Variants in GSE1 observed in about 807,000 individuals in gnomAD.
GSE1 encodes Gse1 coiled-coil protein.
In GSE1, 32 loss-of-function variants were observed where a neutral mutation model predicts 112.6. The ratio of observed to expected loss-of-function variants is 0.28; its 90% confidence interval spans 0.21 to 0.38. The LOEUF is 0.38. Ranked by LOEUF, GSE1 falls within the 10% of genes least tolerant of loss-of-function variation. GSE1 has a pLI of 1.00. For missense variants in GSE1, 2,348 were observed against 1,699.2 expected (o/e 1.38, Z -6.71); for synonymous variants, 1,115 against 735.6 (o/e 1.52, Z -8.35).
chr16:85,461,515 AG>A (rs970561992), intron 2 of GSE1, among the ~76,000 whole-genome samples: 1 of 151,650 alleles, frequency 6.6e-6, no homozygotes, highest in Admixed American at 6.6e-5. Flanking sequence ...CAAGGGGGGG[AG>A]GGGGCGCTGT....
chr16:85,445,357 C>G (rs550208761), intron 2 of GSE1, among the ~76,000 whole-genome samples: 1 of 152,198 alleles, frequency 6.6e-6, no homozygotes, highest in Admixed American at 6.5e-5. Flanking sequence ...GGAGGCAGAC[C>G]GTGAACATGG....
chr16:85,625,899 C>T (rs913835534), intron 1 of GSE1, among the ~76,000 whole-genome samples: 6 of 152,172 alleles, frequency 3.9e-5, no homozygotes, highest in Non-Finnish European at 8.8e-5. Flanking sequence ...CTACACGGGC[C>T]AGGCGCTGTG....
intron 1 of GSE1, among the ~76,000 whole-genome samples, chr16:85,284,616 G>A (rs2044961461): frequency 6.6e-6 from 1 of 152,244 alleles, no homozygotes; most frequent in Non-Finnish European, 1.5e-5. Context: ...CAGCGAGGGG[G>A]TGGTGAGAAC....
At chr16:85,376,963 A>T (rs867615664) in intron 2 of GSE1, among the ~76,000 whole-genome samples, 1 of 152,274 alleles carries the variant, frequency 6.6e-6, no homozygotes, top group African/African-American at 2.4e-5. Context: ...CACGCTGTGC[A>T]GTCGCGGGTG....
At chr16:85,663,646 C>T in intron 11 of GSE1, 32 bp downstream of exon 11, 7 of 1,588,646 alleles carry the variant, frequency 4.4e-6, no homozygotes, top group Non-Finnish European at 6.0e-6. Flanking sequence ...AAGGTGGGGG[C>T]TCACTGGGGT....
At chr16:85,662,946 C>G (rs1300585855) in intron 9 of GSE1, 35 bp from the exon 10 acceptor site, 2 of 1,412,444 alleles carry the variant, frequency 1.4e-6, no homozygotes, top group Non-Finnish European at 2.0e-6. Flanking sequence ...GATGAAGGCT[C>G]TTTGTCTGGC....
At chr16:85,201,932 C>T (rs1174914261) in intron 1 of GSE1, among the ~76,000 whole-genome samples, 51 of 152,162 alleles carry the variant, frequency 3.4e-4, no homozygotes, top group Admixed American at 3.3e-3. Context: ...TCAGTGCAAC[C>T]CGTGGATATA....
chr16:85,516,032 G>C (rs2151941367), intron 2 of GSE1, among the ~76,000 whole-genome samples: 1 of 152,306 alleles, frequency 6.6e-6, no homozygotes, highest in Admixed American at 6.5e-5. Flanking sequence ...CCTGGCAGCA[G>C]CCGAGGCTGG....
upstream of GSE1, among the ~76,000 whole-genome samples, chr16:85,553,526 C>A (rs2045041178): frequency 6.6e-6 from 1 of 151,014 alleles, no homozygotes; most frequent in Non-Finnish European, 1.5e-5. Context: ...CTAGGCCGCC[C>A]GCTGGGAGGG....
At chr16:85,398,544 G>T (rs747755423) in intron 2 of GSE1, among the ~76,000 whole-genome samples, 4 of 152,150 alleles carry the variant, frequency 2.6e-5, no homozygotes, top group Non-Finnish European at 5.9e-5. Context: ...GAGGTAAAGC[G>T]TGGGAGAACT....
intron 2 of GSE1, among the ~76,000 whole-genome samples, chr16:85,453,807 G>T (rs543702725): frequency 6.6e-6 from 1 of 152,196 alleles, no homozygotes; most frequent in Non-Finnish European, 1.5e-5. Context: ...GGACCCCCAG[G>T]TGTCTGACCT....
chr16:85,377,505 A>G (rs1193686716), intron 2 of GSE1, among the ~76,000 whole-genome samples: 1 of 152,196 alleles, frequency 6.6e-6, no homozygotes, highest in Non-Finnish European at 1.5e-5. Context: ...TTAGCTGTCT[A>G]TCTGAATGAA....
upstream of GSE1, among the ~76,000 whole-genome samples, chr16:85,612,450 T>TTC (rs1224919826): frequency 6.6e-6 from 1 of 151,932 alleles, no homozygotes; most frequent in Non-Finnish European, 1.5e-5. Flanking sequence ...GTCGTGCCAG[T>TTC]TTCTGGAGGC....
intron 3 of GSE1, among the ~76,000 whole-genome samples, chr16:85,653,404 C>A (rs1438810274): frequency 6.8e-6 from 1 of 146,296 alleles, no homozygotes; most frequent in Non-Finnish European, 1.5e-5. Flanking sequence ...TGCGTGTGTG[C>A]GGGGCAGCCT....
intron 2 of GSE1, among the ~76,000 whole-genome samples, chr16:85,411,046 G>GGT (rs2048523557): frequency 1.1e-5 from 1 of 87,472 alleles, no homozygotes; most frequent in African/African-American, 7.2e-5. Context: ...TTACTCTCAG[G>GGT]CCACCCGGAT....
intron 2 of GSE1, among the ~76,000 whole-genome samples, chr16:85,383,470 C>T (rs1361348676): frequency 1.3e-5 from 2 of 150,950 alleles, no homozygotes; most frequent in African/African-American, 2.5e-5. Flanking sequence ...GTCTGTCACA[C>T]ATTTGAACAT....
At chr16:85,246,026 G>A (rs962808038) in intron 1 of GSE1, among the ~76,000 whole-genome samples, 1 of 151,512 alleles carries the variant, frequency 6.6e-6, no homozygotes, top group Non-Finnish European at 1.5e-5. Flanking sequence ...TGTGTGTGTT[G>A]GGGGTTGTCT....
At chr16:85,374,547 C>T (rs28472375) in intron 2 of GSE1, among the ~76,000 whole-genome samples, 113,246 of 146,020 alleles carry the variant, frequency 0.78, 43,995 homozygotes, top group Middle Eastern at 0.88. Flanking sequence ...TGTGTGTGCG[C>T]GCGCGCGTGC....
intron 1 of GSE1, among the ~76,000 whole-genome samples, chr16:85,188,971 C>A (rs1459639624): frequency 6.6e-6 from 1 of 152,174 alleles, no homozygotes; most frequent in Non-Finnish European, 1.5e-5. Context: ...TTTTATCAGA[C>A]TTGCTGTGGG....
Sources: gnomAD v4.1 joint callset for allele counts (sites outside exome capture counted in the v4.1 genomes callset) on GRCh38, gnomAD v4.1.1 for gene constraint, MANE v1.5 for transcripts, NCBI Gene and HGNC (gene_info 2026-07-23, HGNC 2026-07-21) for gene names.